FMN2: variants seen among roughly 807,000 people sequenced by gnomAD.
The protein encoded by FMN2 is formin-2.
Under a neutral mutation model 142.3 loss-of-function variants are expected in FMN2, and 51 were observed. The ratio of observed to expected loss-of-function variants is 0.36; its 90% CI spans 0.29 to 0.45. The LOEUF is 0.45. Among genes scored for constraint, FMN2 ranks in the 20% least tolerant of loss-of-function variants. The pLI, the probability that FMN2 is intolerant of heterozygous loss-of-function variation, is 1.00. For missense variants in FMN2, 1,936 were observed against 2,122.8 expected, an observed-to-expected ratio of 0.91 and a Z score of 1.73; for synonymous variants, 882 against 869.8, an observed-to-expected ratio of 1.01 and a Z score of -0.25.
intron 13 of FMN2, among the ~76,000 whole-genome samples, chr1:240,351,046 G>C (rs1672078828): frequency 6.6e-6 from 1 of 152,174 alleles, no homozygotes; most frequent in Non-Finnish European, 1.5e-5. Context: ...AGTAAATGGA[G>C]ACTGTCTCAT....
intron 15 of FMN2, among the ~76,000 whole-genome samples, chr1:240,425,547 C>T (rs1205904958): frequency 6.6e-6 from 1 of 152,054 alleles, no homozygotes; most frequent in Non-Finnish European, 1.5e-5. Flanking sequence ...AAAAGGTGCT[C>T]TCTTAGGTTG....
At chr1:240,336,279 T>C (rs577440070) in intron 13 of FMN2, among the ~76,000 whole-genome samples, 7 of 152,286 alleles carry the variant, frequency 4.6e-5, no homozygotes, top group African/African-American at 1.7e-4. Flanking sequence ...GAAGATTAGA[T>C]ATTGAAGGAG....
intron 15 of FMN2, among the ~76,000 whole-genome samples, chr1:240,419,069 C>T (rs1341053716): frequency 6.6e-6 from 1 of 152,174 alleles, no homozygotes; most frequent in Admixed American, 6.5e-5. Context: ...GATCGTGCCA[C>T]TGCACTCCAG....
chr1:240,258,911 A>G (rs1262608155), intron 7 of FMN2, among the ~76,000 whole-genome samples: 1 of 152,364 alleles, frequency 6.6e-6, no homozygotes, highest in East Asian at 1.9e-4. Context: ...CACAGACCTT[A>G]TAATCACAAA....
chr1:240,455,115 A>G (rs555257393), intron 16 of FMN2, among the ~76,000 whole-genome samples: 23 of 152,320 alleles, frequency 1.5e-4, no homozygotes, highest in African/African-American at 4.6e-4. Context: ...CAGACATTCA[A>G]ATGAGAACCA....
At chr1:240,204,912 C>G (rs1434248910) in intron 4 of FMN2, among the ~76,000 whole-genome samples, 1 of 152,130 alleles carries the variant, frequency 6.6e-6, no homozygotes, top group Non-Finnish European at 1.5e-5. Flanking sequence ...GGTTGGATGT[C>G]TGTTCAGATT....
intron 2 of FMN2, among the ~76,000 whole-genome samples, chr1:240,124,847 T>C (rs1011560470): frequency 1.3e-5 from 2 of 152,116 alleles, no homozygotes; most frequent in Non-Finnish European, 2.9e-5. Flanking sequence ...TTTGTATTTT[T>C]AGTAGAGACG....
At chr1:240,094,022 G>A (rs936346027) in intron 1 of FMN2, among the ~76,000 whole-genome samples, 1 of 152,154 alleles carries the variant, frequency 6.6e-6, no homozygotes, top group Non-Finnish European at 1.5e-5. Context: ...TTCGGGTCAC[G>A]CCAGGGAGAT....
chr1:240,155,016 G>A (rs1337492143), intron 2 of FMN2, among the ~76,000 whole-genome samples: 1 of 151,048 alleles, frequency 6.6e-6, no homozygotes, highest in African/African-American at 2.4e-5. Context: ...TTGACCTCCT[G>A]AGTAGCTAGG....
At chr1:240,167,102 G>A (rs896791172) in intron 2 of FMN2, among the ~76,000 whole-genome samples, 2 of 152,202 alleles carry the variant, frequency 1.3e-5, no homozygotes, top group Non-Finnish European at 2.9e-5. Context: ...AGCCTGGGTG[G>A]CAGAGCAGGA....
rs1187737503 is a variant in FMN2, at chr1:240,156,789, C to T, written c.1783-21132C>T. Among the ~76,000 whole-genome samples the T allele has an allele frequency of 2.0e-5, 3 of 152,106 alleles. No homozygotes were observed. In the East Asian group the frequency reaches 5.8e-4, roughly 29 times the overall value. On this transcript the variant is annotated intron_variant, in intron 2 of 17. Transcript: ENST00000319653. ...GACCAAGAAGATGGAATTTGAACATCTACAGGTTAGTAGGAATCACTGAGG... is the reference window on the plus strand; with the variant it reads ...GACCAAGAAGATGGAATTTGAACATTTACAGGTTAGTAGGAATCACTGAGG...
intron 7 of FMN2, among the ~76,000 whole-genome samples, chr1:240,268,420 A>G (rs1340025954): frequency 6.6e-6 from 1 of 152,092 alleles, no homozygotes; most frequent in Non-Finnish European, 1.5e-5. Context: ...CAAGGAGGAC[A>G]ACTTGTTTTG....
chr1:240,343,518 G>T (rs1270718041), intron 13 of FMN2, among the ~76,000 whole-genome samples: 1 of 152,142 alleles, frequency 6.6e-6, no homozygotes, highest in Non-Finnish European at 1.5e-5. Context: ...AGATATAATT[G>T]CACTGAAGTA....
At chr1:240,159,498 C>T (rs939972909) in intron 2 of FMN2, among the ~76,000 whole-genome samples, 1 of 152,076 alleles carries the variant, frequency 6.6e-6, no homozygotes, top group African/African-American at 2.4e-5. Context: ...AATGGGGTTC[C>T]TCACCCATCT....
intron 14 of FMN2, among the ~76,000 whole-genome samples, chr1:240,361,915 A>C (rs1392030756): frequency 1.3e-5 from 2 of 152,226 alleles, no homozygotes; most frequent in Non-Finnish European, 2.9e-5. Context: ...AGATAGGAAG[A>C]AAATTGGCAG....
chr1:240,168,962 C>T (rs571694721), intron 2 of FMN2, among the ~76,000 whole-genome samples: 8 of 152,004 alleles, frequency 5.3e-5, no homozygotes, highest in Non-Finnish European at 7.4e-5. Context: ...CCTGTAATCC[C>T]AACACTTTGA....
chr1:240,432,832 G>A (rs573807513), intron 15 of FMN2, among the ~76,000 whole-genome samples: 1 of 151,988 alleles, frequency 6.6e-6, no homozygotes, highest in African/African-American at 2.4e-5. Context: ...ATACCACTGT[G>A]CTCAGGGAAC....
At chr1:240,152,602 G>A (rs546027111) in intron 2 of FMN2, among the ~76,000 whole-genome samples, 2 of 152,286 alleles carry the variant, frequency 1.3e-5, no homozygotes, top group South Asian at 2.1e-4. Flanking sequence ...GAGAACCTCA[G>A]CACAGTGGCC....
intron 6 of FMN2, among the ~76,000 whole-genome samples, chr1:240,255,225 C>CACTT (rs1264009967): frequency 1.3e-5 from 2 of 152,170 alleles, no homozygotes. Flanking sequence ...TGTTACCTGT[C>CACTT]ACTTATTTCT....
Sources: allele counts gnomAD v4.1 joint callset (sites outside exome capture counted in the v4.1 genomes callset), GRCh38; gene constraint gnomAD v4.1.1; transcripts MANE v1.5; gene names NCBI Gene and HGNC (gene_info 2026-07-23, HGNC 2026-07-21).